The following KLHL32 variants were observed in gnomAD, a reference collection of about 807,000 sequenced individuals.
KLHL32 encodes the protein kelch-like protein 32.
In KLHL32, 35 loss-of-function variants were observed where a neutral mutation model predicts 64.8. That is an observed-to-expected ratio of 0.54 (90% CI 0.41 to 0.72). The LOEUF (loss-of-function observed/expected upper bound fraction) is 0.72. Ranked by LOEUF, KLHL32 falls within the 30% of genes least tolerant of loss-of-function variation. The pLI is 0.00. For missense variants in KLHL32, 589 were observed against 768.5 expected, an observed-to-expected ratio of 0.77 and a Z score of 2.76; for synonymous variants, 259 against 281.0, an observed-to-expected ratio of 0.92 and a Z score of 0.78.
intron 1 of KLHL32, among the ~76,000 whole-genome samples, chr6:96,945,981 G>T (rs1326585475): frequency 3.3e-5 from 5 of 152,086 alleles, no homozygotes; most frequent in Non-Finnish European, 7.3e-5. Context: ...TGGGTGTGGG[G>T]TATAAGGCCA....
intron 3 of KLHL32, among the ~76,000 whole-genome samples, chr6:97,025,808 A>G (rs945643066): frequency 1.3e-5 from 2 of 152,156 alleles, no homozygotes; most frequent in Non-Finnish European, 2.9e-5. Context: ...TCTCATGTTT[A>G]AAATGAGGTA....
intron 7 of KLHL32, among the ~76,000 whole-genome samples, chr6:97,123,288 G>A (rs896812495): frequency 6.6e-6 from 1 of 152,124 alleles, no homozygotes; most frequent in Non-Finnish European, 1.5e-5. Flanking sequence ...CAGAGACAAA[G>A]GTTGCTTGTT....
chr6:97,043,965 G>A (rs1785526525), intron 4 of KLHL32, among the ~76,000 whole-genome samples: 1 of 151,768 alleles, frequency 6.6e-6, no homozygotes, highest in African/African-American at 2.4e-5. Flanking sequence ...TTAACTATTC[G>A]AGTTCTCAGT....
intron 7 of KLHL32, among the ~76,000 whole-genome samples, chr6:97,125,703 G>A (rs1284118549): frequency 6.6e-6 from 1 of 152,158 alleles, no homozygotes; most frequent in East Asian, 1.9e-4. Context: ...GGGTCCTTGG[G>A]AGACTGAGGT....
At chr6:97,012,618 C>G (rs2128094101) in intron 3 of KLHL32, among the ~76,000 whole-genome samples, 1 of 152,306 alleles carries the variant, frequency 6.6e-6, no homozygotes, top group African/African-American at 2.4e-5. Flanking sequence ...GGCATCTTAA[C>G]AGTTGCTAGC....
chr6:97,121,586 A>G (rs1798373011), intron 7 of KLHL32, among the ~76,000 whole-genome samples: 1 of 152,078 alleles, frequency 6.6e-6, no homozygotes, highest in South Asian at 2.1e-4. Flanking sequence ...TGAAAGAATT[A>G]CATACTACAG....
chr6:96,952,359 A>G (rs1282747824), intron 1 of KLHL32, among the ~76,000 whole-genome samples: 4 of 152,218 alleles, frequency 2.6e-5, no homozygotes, highest in Non-Finnish European at 4.4e-5. Flanking sequence ...TGCCATAGGA[A>G]CTTAACTCTT....
In KLHL32 at chr6:97,124,284, T is replaced by C. The variant is rs576813847; in HGVS notation, c.1355-3120T>C. 2.6e-5 allele frequency among the ~76,000 whole-genome samples: 4 copies of C among 152,332 alleles called. 1 individual carries two copies. In the East Asian group the frequency reaches 7.7e-4, roughly 29 times the overall value. ...ACATTCTAGAGGGAATCTATTAATA[T>C]CAAATAACTGGGACTTTAATTTTTA... On this transcript the variant is annotated intron_variant, in intron 7 of 10. Coordinates refer to ENST00000369261, the MANE Select transcript of KLHL32 (RefSeq NM_052904.4).
At chr6:96,952,844 G>A (rs904648249) in intron 1 of KLHL32, among the ~76,000 whole-genome samples, 1 of 152,070 alleles carries the variant, frequency 6.6e-6, no homozygotes, top group African/African-American at 2.4e-5. Flanking sequence ...TTGTATTCTG[G>A]TGACCAATTG....
chr6:97,055,969 T>C (rs1787795160), intron 4 of KLHL32, among the ~76,000 whole-genome samples: 1 of 151,954 alleles, frequency 6.6e-6, no homozygotes. Context: ...GTCTGGAGGC[T>C]TTTATCTTCA....
At chr6:97,036,028 T>C (rs1236378358) in intron 3 of KLHL32, among the ~76,000 whole-genome samples, 1 of 152,146 alleles carries the variant, frequency 6.6e-6, no homozygotes, top group African/African-American at 2.4e-5. Flanking sequence ...TTTTTATTCT[T>C]TTTTCTTTTT....
At chr6:97,090,124 C>T (rs946261617) in intron 6 of KLHL32, among the ~76,000 whole-genome samples, 1 of 152,146 alleles carries the variant, frequency 6.6e-6, no homozygotes, top group Non-Finnish European at 1.5e-5. Flanking sequence ...GTAGTGTTTG[C>T]ATTACCTACT....
chr6:97,033,103 C>T (rs1783801324), intron 3 of KLHL32, among the ~76,000 whole-genome samples: 1 of 152,148 alleles, frequency 6.6e-6, no homozygotes, highest in Non-Finnish European at 1.5e-5. Context: ...ATATGTCAGG[C>T]ACTGTTCACT....
chr6:97,082,777 T>A (rs770781124), intron 5 of KLHL32, among the ~76,000 whole-genome samples: 6 of 152,130 alleles, frequency 3.9e-5, no homozygotes. Flanking sequence ...GTCATATAGA[T>A]GTGGAAGGCA....
chr6:97,039,352 A>G (rs966552335), intron 3 of KLHL32, among the ~76,000 whole-genome samples: 4 of 152,168 alleles, frequency 2.6e-5, no homozygotes, highest in Admixed American at 6.5e-5. Flanking sequence ...TCATGAAGAC[A>G]TAGAGTAGAT....
chr6:97,068,773 C>T (rs1416416273), intron 5 of KLHL32, among the ~76,000 whole-genome samples: 2 of 152,182 alleles, frequency 1.3e-5, no homozygotes, highest in East Asian at 3.9e-4. Flanking sequence ...TTATATATCA[C>T]TCATTAGGTT....
intron 3 of KLHL32, among the ~76,000 whole-genome samples, chr6:96,986,781 T>C (rs1405177555): frequency 6.6e-6 from 1 of 152,202 alleles, no homozygotes; most frequent in Non-Finnish European, 1.5e-5. Flanking sequence ...ACCCCTTTCT[T>C]TGACTAGGAA....
At chr6:97,047,967 T>C (rs560444642) in intron 4 of KLHL32, among the ~76,000 whole-genome samples, 14 of 152,200 alleles carry the variant, frequency 9.2e-5, no homozygotes, top group South Asian at 6.2e-4. Flanking sequence ...ATAAAGTTTA[T>C]TGTTTAACAC....
At chr6:97,071,462 G>C (rs1790698885) in intron 5 of KLHL32, among the ~76,000 whole-genome samples, 1 of 152,074 alleles carries the variant, frequency 6.6e-6, no homozygotes, top group African/African-American at 2.4e-5. Context: ...CTCTGCATGG[G>C]CACCCTTCCC....
Sources: gnomAD v4.1 joint callset for allele counts (sites outside exome capture counted in the v4.1 genomes callset) on GRCh38, gnomAD v4.1.1 for gene constraint, MANE v1.5 for transcripts, NCBI Gene and HGNC (gene_info 2026-07-23, HGNC 2026-07-21) for gene names.